METTL6: variants seen among roughly 807,000 people sequenced by gnomAD.
The protein encoded by METTL6 is tRNA N(3)-cytidine methyltransferase METTL6.
In METTL6, 22 loss-of-function variants were observed where a neutral mutation model predicts 26.4. The observed-to-expected ratio is 0.83, with a 90% CI of 0.59 to 1.19. The LOEUF (loss-of-function observed/expected upper bound fraction) is 1.19. Ranked by LOEUF, METTL6 falls within the 50% of genes most tolerant of loss-of-function variation. The pLI is 0.00. For synonymous variants in METTL6, 109 were observed against 116.2 expected (o/e 0.94, Z 0.40); for missense variants, 304 against 324.8 (o/e 0.94, Z 0.49).
intron 6 of METTL6, among the ~76,000 whole-genome samples, chr3:15,384,869 A>C (rs569769604): frequency 6.6e-6 from 1 of 152,364 alleles, no homozygotes; most frequent in African/African-American, 2.4e-5. Flanking sequence ...TGCCCCTCTT[A>C]GAGACCCCTT....
intron 3 of METTL6, among the ~76,000 whole-genome samples, chr3:15,419,537 A>G (rs1343057903): frequency 2.6e-5 from 4 of 152,232 alleles, no homozygotes; most frequent in African/African-American, 9.6e-5. Flanking sequence ...TAAAATATGG[A>G]GGCATTATTT....
chr3:15,405,595 A>G (rs1699763287), downstream of METTL6, among the ~76,000 whole-genome samples: 1 of 152,224 alleles, frequency 6.6e-6, no homozygotes, highest in Non-Finnish European at 1.5e-5. Flanking sequence ...GTAGAAGGCC[A>G]ATAAAAACAT....
chr3:15,401,793 A>G (rs964938189), intron 6 of METTL6, among the ~76,000 whole-genome samples: 7 of 152,102 alleles, frequency 4.6e-5, no homozygotes, highest in African/African-American at 1.7e-4. Context: ...GTGGGGAGAA[A>G]CCCTTAGTTC....
chr3:15,409,397 T>C (rs1256430840), downstream of METTL6, among the ~76,000 whole-genome samples: 1 of 152,180 alleles, frequency 6.6e-6, no homozygotes, highest in African/African-American at 2.4e-5. Context: ...ACCTGGATTT[T>C]ACTTCATAAA....
chr3:15,414,301 CCTA>C, intron 4 of METTL6, 139 bp from the exon 5 acceptor site: 1 of 1,441,570 alleles, frequency 6.9e-7, no homozygotes, highest in Non-Finnish European at 9.1e-7. Context: ...ACCAAAATGG[CCTA>C]CTACTTAAAA....
chr3:15,414,848 G>A (rs1189382739), intron 4 of METTL6: 1 of 551,346 alleles, frequency 1.8e-6, no homozygotes, highest in Non-Finnish European at 3.1e-6. Context: ...CTTGAGCCCA[G>A]GAAGTTGAGG....
At chr3:15,385,997 T>G (rs1225242134) in intron 6 of METTL6, among the ~76,000 whole-genome samples, 1 of 152,160 alleles carries the variant, frequency 6.6e-6, no homozygotes, top group Non-Finnish European at 1.5e-5. Flanking sequence ...GCAAGTTTAT[T>G]AGAGAAGAAA....
chr3:15,389,305 AG>A (rs1432486999), intron 6 of METTL6, among the ~76,000 whole-genome samples: 1 of 152,130 alleles, frequency 6.6e-6, no homozygotes, highest in Non-Finnish European at 1.5e-5. Flanking sequence ...CTTGTGAATA[AG>A]TCTGTTTAGG....
At chr3:15,389,154 C>G (rs1222316062) in intron 6 of METTL6, among the ~76,000 whole-genome samples, 2 of 151,678 alleles carry the variant, frequency 1.3e-5, no homozygotes, top group African/African-American at 2.4e-5. Flanking sequence ...CCACACCTGG[C>G]CTTTTTTTTT....
At chr3:15,383,388 A>G (rs369026306) in exon 7 of METTL6, 16 of 151,006 alleles carry the variant, frequency 1.1e-4, no homozygotes, top group East Asian at 3.9e-4. Flanking sequence ...TTTTTAAATT[A>G]CACATTTATT....
intron 3 of METTL6, among the ~76,000 whole-genome samples, chr3:15,416,443 T>C (rs1700209924): frequency 1.3e-5 from 2 of 152,114 alleles, no homozygotes; most frequent in South Asian, 2.1e-4. Context: ...TTTGTAAAGA[T>C]GGGATCTTGC....
chr3:15,414,108 C>T lies in METTL6; in HGVS notation c.586G>A (p.Ala196Thr). 1.2e-6 allele frequency: 2 copies of T among 1,614,156 alleles called. No homozygotes were observed. Among genetic ancestry groups the T allele is most frequent in the Non-Finnish European group, 1.7e-6 (2 of 1,180,040 alleles). The part of the protein sequence containing the change: ...LFRDYGLYDH[A>T]MLRFKASSKL... ...CTGCTGGCTTTAAACCTAAGCATGG[C>T]ATGATCATACAGTCCGTAGTCACGA... The change falls in exon 5 of 6, where the codon GCC becomes ACC. Residue 196 changes from alanine (A) to threonine (T), a missense_variant. Coordinates refer to ENST00000383790, the MANE Select transcript of METTL6 (RefSeq NM_152396.4).
Position 15,393,756 on chromosome 3 carries a change from A to G in METTL6, c.*12-9569T>C, listed in dbSNP as rs546951186. ...CTTTTCTGCATCTATTGAGATAATC[A>G]TGTGGTTTTTGTCATTGGTTCTGTT... On this transcript the variant is annotated intron_variant, in intron 6 of 6. Transcript: ENST00000443029. 3.9e-5 allele frequency among the ~76,000 whole-genome samples: 6 copies of G among 152,260 alleles called. No individual in the cohort carries two copies. In the East Asian group the frequency reaches 9.6e-4, roughly 24 times the overall value.
Position 15,416,840 on chromosome 3 carries a change from T to C in METTL6, c.361-898A>G, listed in dbSNP as rs142088802. On this transcript the variant is annotated intron_variant, in intron 3 of 5. Coordinates refer to ENST00000383790, the MANE Select transcript of METTL6 (RefSeq NM_152396.4). ...TGAATAAATAGATATACAAAGTTAC[T>C]GGATGGGAAAATTAAATGCAAAATT... 1.5e-3 allele frequency among the ~76,000 whole-genome samples: 230 copies of C among 152,322 alleles called. 1 individual carries two copies. The highest frequency in any genetic ancestry group is 5.2e-3 in the African/African-American group (218 of 41,572).
chr3:15,413,887 T>C (rs1700075594), intron 5 of METTL6, 134 bp downstream of exon 5: 13 of 1,536,492 alleles, frequency 8.5e-6, no homozygotes, highest in Non-Finnish European at 1.1e-5. Flanking sequence ...GTAAATATTG[T>C]GCAGTAGAGG....
At chr3:15,386,426 A>C (rs1699192906) in intron 6 of METTL6, among the ~76,000 whole-genome samples, 1 of 152,172 alleles carries the variant, frequency 6.6e-6, no homozygotes, top group South Asian at 2.1e-4. Context: ...TTTATTAAAA[A>C]GTTTTAGAGC....
intron 3 of METTL6, among the ~76,000 whole-genome samples, chr3:15,417,702 G>T (rs894924402): frequency 6.6e-6 from 1 of 151,892 alleles, no homozygotes; most frequent in Non-Finnish European, 1.5e-5. Context: ...TAGACAAAAA[G>T]GTAGATAATA....
chr3:15,392,033 C>A (rs1446912157), intron 6 of METTL6, among the ~76,000 whole-genome samples: 1 of 152,156 alleles, frequency 6.6e-6, no homozygotes, highest in African/African-American at 2.4e-5. Flanking sequence ...ATGGCTGGGT[C>A]AGATGGTATT....
At position 15,413,799 on chromosome 3, in the gene METTL6, T is replaced by C. The variant is rs764348517; in HGVS notation, c.673+222A>G. The C allele has an allele frequency of 4.8e-6, 7 of 1,471,890 alleles. No homozygotes were observed. In the South Asian group the frequency reaches 6.1e-5, roughly 13 times the overall value. The allele number at this position is 1,471,890 out of a possible 1,614,324, so 91.2% of individuals were successfully genotyped here. A position where few individuals can be genotyped will look rare whatever the true frequency, so the allele number is the denominator to read the frequency against. On this transcript the variant is annotated intron_variant, in intron 5 of 5. Coordinates refer to ENST00000383790, the MANE Select transcript of METTL6 (RefSeq NM_152396.4). ...AGGCTGTCCATTAACCCAAGCTCAT[T>C]AGGGGAGTCACTGACACCAGAGAAG...
Sources: gnomAD v4.1 joint callset for allele counts (sites outside exome capture counted in the v4.1 genomes callset) on GRCh38, gnomAD v4.1.1 for gene constraint, MANE v1.5 for transcripts, NCBI Gene and HGNC (gene_info 2026-07-23, HGNC 2026-07-21) for gene names.